The following FRMD3 variants were observed in gnomAD, a reference collection of about 807,000 sequenced individuals.
FRMD3 encodes the protein FERM domain-containing protein 3.
FRMD3 carries 33 observed loss-of-function variants against 70.2 expected under a neutral mutation model. That is an observed-to-expected ratio of 0.47 (90% CI 0.36 to 0.63). FRMD3 has a LOEUF of 0.63. Ranked by LOEUF, FRMD3 falls within the 20% of genes least tolerant of loss-of-function variation. FRMD3 has a pLI of 0.00. For synonymous variants in FRMD3, 279 were observed against 255.9 expected, an observed-to-expected ratio of 1.09 and a Z score of -0.86; for missense variants, 632 against 711.4, an observed-to-expected ratio of 0.89 and a Z score of 1.27.
chr9:83,472,239 CA>C (rs1377891444), intron 1 of FRMD3, among the ~76,000 whole-genome samples: 1 of 152,240 alleles, frequency 6.6e-6, no homozygotes, highest in Admixed American at 6.5e-5. Context: ...CTCACTTGCC[CA>C]AGAGCCATAA....
Position 83,246,846 on chromosome 9 carries a change from A to G in FRMD3, c.*1072T>C, listed in dbSNP as rs17086111. The G allele has an allele frequency of 2.2e-3, 2,120 of 985,336 alleles. 31 individuals carry two copies. In the African/African-American group the frequency reaches 0.035, roughly 16 times the overall value. 61.0% of individuals were successfully genotyped at this position (985,336 alleles called of 1,614,324 possible). ...CAGCGACTGCACTGCTCTTCACATC[A>G]TCGAACGCTGGCATCACCATCACTT... On this transcript the variant is annotated 3_prime_UTR_variant, in exon 14 of 14. Coordinates refer to ENST00000304195, the MANE Select transcript of FRMD3 (RefSeq NM_174938.6).
chr9:83,320,530 T>C (rs1336955455), intron 6 of FRMD3, among the ~76,000 whole-genome samples: 2 of 151,518 alleles, frequency 1.3e-5, no homozygotes, highest in African/African-American at 4.9e-5. Flanking sequence ...TTTCTTTTTA[T>C]TTGCTGAAAA....
At position 83,490,761 on chromosome 9, in the gene FRMD3, TCTTC is replaced by T. The variant is rs1173485235; in HGVS notation, c.147+47320_147+47323del. Among the ~76,000 whole-genome samples, 25 of 130,288 alleles carry T rather than the reference TCTTC, an allele frequency of 1.9e-4. 1 individual carries two copies. Among genetic ancestry groups the T allele is most frequent in the African/African-American group, 7.8e-4 (25 of 32,142 alleles). The allele number at this position is 130,288 out of a possible 152,430, so 85.5% of individuals were successfully genotyped here. On this transcript the variant is annotated intron_variant, in intron 1 of 13. Coordinates refer to ENST00000304195, the MANE Select transcript of FRMD3 (RefSeq NM_174938.6). ...TTATAAAAAATCCAGTTTTTTACTC[TCTTC>T]TCTCTCTCTCTCTCTCTCTCTCTCT...
chr9:83,298,355 T>A (rs1049427727), intron 12 of FRMD3, among the ~76,000 whole-genome samples: 2 of 152,056 alleles, frequency 1.3e-5, no homozygotes, highest in African/African-American at 2.4e-5. Flanking sequence ...AATGGCCCCA[T>A]GAAAGGTCAG....
At chr9:83,267,408 C>G (rs13296597) in intron 13 of FRMD3, 1 of 813,730 alleles carries the variant, frequency 1.2e-6, no homozygotes, top group African/African-American at 1.7e-5. Context: ...CTAAACCTTC[C>G]GGACCAAAAC....
intron 1 of FRMD3, among the ~76,000 whole-genome samples, chr9:83,496,340 CT>C (rs1828941729): frequency 6.6e-6 from 1 of 152,164 alleles, no homozygotes; most frequent in Admixed American, 6.5e-5. Flanking sequence ...TGTTCATCAA[CT>C]GTTCTTCATC....
chr9:83,247,682 A>G lies in FRMD3; in HGVS notation c.*236T>C, dbSNP rs1421647262. 1 of 1,269,876 alleles carries G rather than the reference A, an allele frequency of 7.9e-7. No individual in the cohort carries two copies. 78.7% of individuals were successfully genotyped at this position (1,269,876 alleles called of 1,614,324 possible). On this transcript the variant is annotated 3_prime_UTR_variant, in exon 14 of 14. Transcript: ENST00000304195. ...TATGTCTACACTATAATAAAAAATA[A>G]ACATATTTTTGGTTATTTAAAGACC...
At chr9:83,369,953 T>C (rs913979581) in intron 3 of FRMD3, among the ~76,000 whole-genome samples, 6 of 152,220 alleles carry the variant, frequency 3.9e-5, no homozygotes, top group Non-Finnish European at 8.8e-5. Flanking sequence ...TGATTTTTTT[T>C]TAACTAGTGA....
intron 1 of FRMD3, among the ~76,000 whole-genome samples, chr9:83,533,604 C>T (rs1399787216): frequency 2.6e-5 from 4 of 152,142 alleles, no homozygotes; most frequent in African/African-American, 7.2e-5. Context: ...ATGAGTTAGA[C>T]TAAATATTGG....
chr9:83,252,892 G>C (rs1171182308), intron 13 of FRMD3, among the ~76,000 whole-genome samples: 1 of 151,976 alleles, frequency 6.6e-6, no homozygotes, highest in Non-Finnish European at 1.5e-5. Context: ...ACAAAAGCAA[G>C]TGCTTAGAGA....
At chr9:83,508,925 T>G (rs1046508975) in intron 1 of FRMD3, among the ~76,000 whole-genome samples, 6 of 152,116 alleles carry the variant, frequency 3.9e-5, no homozygotes, top group African/African-American at 1.4e-4. Flanking sequence ...TGCCAACCCC[T>G]GCTCCAATAT....
chr9:83,333,368 T>A (rs1459208027), intron 6 of FRMD3, among the ~76,000 whole-genome samples: 1 of 152,202 alleles, frequency 6.6e-6, no homozygotes, highest in Admixed American at 6.5e-5. Flanking sequence ...CAGAACTTAC[T>A]TCCAAGATTT....
At chr9:83,450,383 GT>G (rs1554707138) in intron 1 of FRMD3, among the ~76,000 whole-genome samples, 1 of 121,998 alleles carries the variant, frequency 8.2e-6, no homozygotes, top group African/African-American at 3.1e-5. Flanking sequence ...TATACTCTAA[GT>G]TTTAGGGTAC....
chr9:83,378,681 AT>A (rs1200188931), intron 2 of FRMD3, among the ~76,000 whole-genome samples: 3 of 107,370 alleles, frequency 2.8e-5, no homozygotes, highest in African/African-American at 7.3e-5. Context: ...TATTATATAT[AT>A]AATTTATATA....
intron 13 of FRMD3, among the ~76,000 whole-genome samples, chr9:83,275,661 T>C (rs1282350094): frequency 6.6e-6 from 1 of 152,168 alleles, no homozygotes; most frequent in East Asian, 1.9e-4. Context: ...AGTAAGATAA[T>C]TGTCCATCTC....
chr9:83,336,455 A>G (rs1296392664), intron 5 of FRMD3, among the ~76,000 whole-genome samples: 2 of 151,202 alleles, frequency 1.3e-5, no homozygotes, highest in African/African-American at 2.4e-5. Context: ...CACAGCTAAT[A>G]TTCTCTGTGT....
At chr9:83,384,796 A>G (rs906264848) in intron 2 of FRMD3, among the ~76,000 whole-genome samples, 2 of 152,210 alleles carry the variant, frequency 1.3e-5, no homozygotes, top group Non-Finnish European at 2.9e-5. Context: ...GTGTGAGTCA[A>G]AATCAGAAAA....
At chr9:83,359,786 G>A (rs777770497) in intron 3 of FRMD3, among the ~76,000 whole-genome samples, 17 of 152,100 alleles carry the variant, frequency 1.1e-4, no homozygotes, top group Non-Finnish European at 1.9e-4. Flanking sequence ...CCTGCGACCC[G>A]TCGTAGAGAC....
At position 83,312,014 on chromosome 9, in the gene FRMD3, G is replaced by A; in HGVS notation, c.685-39C>T. On this transcript the variant is annotated intron_variant, in intron 7 of 13. Transcript: ENST00000304195. The stretch of plus-strand genomic sequence containing the variant: ...AAAAGAAAAAAGAAAAATCTGTTTA[G>A]ATTGAGAAAAATAAAATAAATGATA... 3 of 1,440,812 alleles carry A rather than the reference G, an allele frequency of 2.1e-6. No homozygotes were observed. In the South Asian group the frequency reaches 3.8e-5, roughly 18 times the overall value. 89.3% of individuals were successfully genotyped at this position (1,440,812 alleles called of 1,614,324 possible).
Sources: allele counts gnomAD v4.1 joint callset (sites outside exome capture counted in the v4.1 genomes callset), GRCh38; gene constraint gnomAD v4.1.1; transcripts MANE v1.5; gene names NCBI Gene and HGNC (gene_info 2026-07-23, HGNC 2026-07-21).